Variants in GRID2 observed in about 807,000 individuals in gnomAD.
GRID2 encodes glutamate receptor ionotropic, delta-2.
A neutral mutation model predicts 114.8 loss-of-function variants in GRID2; 33 were observed. That is an observed-to-expected ratio of 0.29 (90% CI 0.22 to 0.38). The LOEUF (loss-of-function observed/expected upper bound fraction) is 0.38. Among genes scored for constraint, GRID2 ranks in the 10% least tolerant of loss-of-function variants. GRID2 has a pLI of 1.00. For synonymous variants in GRID2, 505 were observed against 449.9 expected (o/e 1.12, Z -1.55); for missense variants, 1,184 against 1,257.7 (o/e 0.94, Z 0.89).
intron 2 of GRID2, among the ~76,000 whole-genome samples, chr4:92,719,309 C>T (rs1443078434): frequency 6.6e-6 from 1 of 152,022 alleles, no homozygotes; most frequent in Non-Finnish European, 1.5e-5. Flanking sequence ...CTTAACAGGA[C>T]TACTTATGAA....
In GRID2 at chr4:93,439,408, G is replaced by T. The variant is rs543276131; in HGVS notation, c.1546-16254G>T. ...AATAGGGGATGCAGAAGGAAAAGCA[G>T]ATTGGAAAAGGGCAACAGGGACACA... On this transcript the variant is annotated intron_variant, in intron 10 of 15. Transcript: ENST00000282020. Among the ~76,000 whole-genome samples, 20 of 152,194 alleles carry T rather than the reference G, an allele frequency of 1.3e-4. No homozygotes were observed. The South Asian group carries it at 3.1e-3, about 24-fold the overall frequency.
At chr4:93,242,967 T>C (rs778786646) in intron 8 of GRID2, among the ~76,000 whole-genome samples, 8 of 152,070 alleles carry the variant, frequency 5.3e-5, no homozygotes, top group Non-Finnish European at 1.0e-4. Flanking sequence ...ATAACTCCTG[T>C]AATTATTTCA....
intron 2 of GRID2, among the ~76,000 whole-genome samples, chr4:92,724,455 T>A (rs1487253787): frequency 6.6e-6 from 1 of 152,112 alleles, no homozygotes; most frequent in Non-Finnish European, 1.5e-5. Flanking sequence ...AAACTATTTT[T>A]AAAAAAAGTT....
chr4:93,632,891 G>A (rs1257154417), intron 14 of GRID2, among the ~76,000 whole-genome samples: 1 of 151,988 alleles, frequency 6.6e-6, no homozygotes, highest in Admixed American at 6.6e-5. Context: ...CTTTTATTTT[G>A]TTGAGCAGTA....
intron 1 of GRID2, among the ~76,000 whole-genome samples, chr4:92,588,850 C>A (rs1464116778): frequency 6.6e-6 from 1 of 151,960 alleles, no homozygotes; most frequent in Non-Finnish European, 1.5e-5. Context: ...CTCCTTTAAT[C>A]CCAGCACTTT....
intron 14 of GRID2, among the ~76,000 whole-genome samples, chr4:93,663,079 A>G (rs1723638031): frequency 6.6e-6 from 1 of 152,174 alleles, no homozygotes; most frequent in Non-Finnish European, 1.5e-5. Context: ...ATGCCAGGCA[A>G]ACTTTGAAAC....
chr4:93,430,166 ATATTT>A (rs2149378725), intron 10 of GRID2, among the ~76,000 whole-genome samples: 1 of 152,054 alleles, frequency 6.6e-6, no homozygotes, highest in East Asian at 1.9e-4. Context: ...GGCTTTATAA[ATATTT>A]TATTTTATTA....
intron 2 of GRID2, among the ~76,000 whole-genome samples, chr4:92,917,667 T>G (rs979619398): frequency 6.6e-6 from 1 of 152,192 alleles, no homozygotes. Context: ...TGTAGATATG[T>G]GGCATTATTT....
At chr4:92,317,389 G>A (rs190241004) in intron 1 of GRID2, among the ~76,000 whole-genome samples, 22 of 152,302 alleles carry the variant, frequency 1.4e-4, no homozygotes, top group Non-Finnish European at 2.2e-4. Context: ...TTATATAGGT[G>A]TAATTGAAAA....
At chr4:92,537,730 AGACATTCCTG>A (rs2149159187) in intron 1 of GRID2, among the ~76,000 whole-genome samples, 1 of 152,012 alleles carries the variant, frequency 6.6e-6, no homozygotes, top group South Asian at 2.1e-4. Flanking sequence ...CCCTTTTCAA[AGACATTCCTG>A]GAATACAAAC....
rs562825683 is a variant in GRID2 at position 92,947,697 on chromosome 4, G to A, written c.245-137298G>A. 1.4e-3 allele frequency among the ~76,000 whole-genome samples: 208 copies of A among 151,686 alleles called. 1 individual carries two copies. The highest frequency in any genetic ancestry group is 4.8e-3 in the African/African-American group (201 of 41,492). On this transcript the variant is annotated intron_variant, in intron 2 of 15. Transcript: ENST00000282020. Reference sequence around the variant, plus strand: ...AAATAGTCTTCAGAGGTGTATATGGGTTGTGTGTGTGCGTGTATATGTGTG... The same window carrying A: ...AAATAGTCTTCAGAGGTGTATATGGATTGTGTGTGTGCGTGTATATGTGTG...
At chr4:92,847,106 A>G (rs1265534905) in intron 2 of GRID2, among the ~76,000 whole-genome samples, 3 of 152,106 alleles carry the variant, frequency 2.0e-5, no homozygotes. Context: ...TAAGAAATGG[A>G]ATATGTTGCT....
At chr4:92,810,946 G>C (rs1240600616) in intron 2 of GRID2, among the ~76,000 whole-genome samples, 1 of 151,848 alleles carries the variant, frequency 6.6e-6, no homozygotes, top group Non-Finnish European at 1.5e-5. Context: ...TGCACACCAC[G>C]CAATTTTTGT....
intron 2 of GRID2, among the ~76,000 whole-genome samples, chr4:92,798,527 C>T (rs1263200622): frequency 6.6e-6 from 1 of 151,958 alleles, no homozygotes; most frequent in African/African-American, 2.4e-5. Context: ...CATATGCATG[C>T]CCCTTAAGAG....
intron 2 of GRID2, among the ~76,000 whole-genome samples, chr4:92,896,730 C>G (rs1747190425): frequency 6.6e-6 from 1 of 152,086 alleles, no homozygotes; most frequent in Non-Finnish European, 1.5e-5. Context: ...TGTGGTCAGA[C>G]AAACCCAGGT....
intron 1 of GRID2, among the ~76,000 whole-genome samples, chr4:93,797,553 G>A (rs904544847): frequency 6.6e-6 from 1 of 152,064 alleles, no homozygotes; most frequent in Non-Finnish European, 1.5e-5. Flanking sequence ...AACCACTCAC[G>A]CATTTACTCA....
In GRID2 at chr4:93,411,240, T is replaced by A. The variant is rs898026062; in HGVS notation, c.1348-11531T>A. ...TGAGGTAATTGAGGTCCCAAACTCA[T>A]AAAACTATTGAGCATGAATACACAA... On this transcript the variant is annotated intron_variant, in intron 9 of 15. Coordinates refer to ENST00000282020, the MANE Select transcript of GRID2 (RefSeq NM_001510.4). Among the ~76,000 whole-genome samples, 8 of 152,166 alleles carry A rather than the reference T, an allele frequency of 5.3e-5. No homozygotes were observed. The East Asian group carries it at 1.5e-3, about 29-fold the overall frequency.
At chr4:93,368,113 C>A (rs557514851) in intron 8 of GRID2, among the ~76,000 whole-genome samples, 1 of 152,148 alleles carries the variant, frequency 6.6e-6, no homozygotes, top group African/African-American at 2.4e-5. Flanking sequence ...AATTGGAAAA[C>A]AAAATTAACT....
chr4:92,462,329 A>G (rs1176429037), intron 1 of GRID2, among the ~76,000 whole-genome samples: 6 of 152,036 alleles, frequency 3.9e-5, no homozygotes, highest in Non-Finnish European at 8.8e-5. Flanking sequence ...ATTGCTGACT[A>G]TCCTTATCTA....
Sources: allele counts gnomAD v4.1 joint callset (sites outside exome capture counted in the v4.1 genomes callset), GRCh38; gene constraint gnomAD v4.1.1; transcripts MANE v1.5; gene names NCBI Gene and HGNC (gene_info 2026-07-23, HGNC 2026-07-21).